Variants in RARB observed in about 807,000 individuals in gnomAD.
The protein encoded by RARB is retinoic acid receptor beta, also known as HBV-activated protein.
Under a neutral mutation model 51.9 loss-of-function variants are expected in RARB, and 17 were observed. That is an observed-to-expected ratio of 0.33 (90% CI 0.22 to 0.49). The LOEUF is 0.49. Among genes scored for constraint, RARB ranks in the 20% least tolerant of loss-of-function variants. The pLI is 0.99. For missense variants in RARB, 369 were observed against 550.8 expected, an observed-to-expected ratio of 0.67 and a Z score of 3.30; for synonymous variants, 215 against 195.4, an observed-to-expected ratio of 1.10 and a Z score of -0.84.
intron 5 of RARB, among the ~76,000 whole-genome samples, chr3:25,252,739 A>AT (rs1358646172): frequency 6.6e-6 from 1 of 152,250 alleles, no homozygotes; most frequent in Admixed American, 6.5e-5. Flanking sequence ...CTTCTAATAA[A>AT]TTTTTTTGTG....
intron 3 of RARB, among the ~76,000 whole-genome samples, chr3:25,131,646 C>A (rs530368991): frequency 2.0e-5 from 3 of 152,028 alleles, no homozygotes; most frequent in Non-Finnish European, 2.9e-5. Flanking sequence ...ATCAAAAAGT[C>A]TATGATGGAT....
rs143212635 is a variant in RARB at position 25,551,848 on chromosome 3, C to A, written c.449-17910C>A. Among the ~76,000 whole-genome samples the A allele has an allele frequency of 2.3e-3, 357 of 152,318 alleles. 2 individuals are homozygous for A. The highest frequency in any genetic ancestry group is 8.2e-3 in the African/African-American group (339 of 41,566). On this transcript the variant is annotated intron_variant, in intron 3 of 7. Transcript: ENST00000330688. ...GTGTTTCTTAGCTTTCTCAATCAAG[C>A]CTTCAATCTGTTTTCCATAAATCTG...
chr3:25,376,281 C>G (rs1018786368), intron 5 of RARB, among the ~76,000 whole-genome samples: 1 of 152,158 alleles, frequency 6.6e-6, no homozygotes, highest in Non-Finnish European at 1.5e-5. Flanking sequence ...AGAAAAGTGC[C>G]TAGTGCATAA....
chr3:25,585,344 C>T (rs1156404754), intron 5 of RARB, among the ~76,000 whole-genome samples: 1 of 152,126 alleles, frequency 6.6e-6, no homozygotes, highest in Non-Finnish European at 1.5e-5. Context: ...AAGGCAAAGA[C>T]CCATAGAGCT....
chr3:25,014,427 G>A (rs990915520), intron 2 of RARB, among the ~76,000 whole-genome samples: 3 of 152,116 alleles, frequency 2.0e-5, no homozygotes, highest in African/African-American at 7.2e-5. Flanking sequence ...TCAGGAGGAT[G>A]ATAGTCAGTG....
intron 5 of RARB, among the ~76,000 whole-genome samples, chr3:25,327,814 TTATCTGGTC>T (rs1704770201): frequency 6.6e-6 from 1 of 152,204 alleles, no homozygotes; most frequent in Non-Finnish European, 1.5e-5. Flanking sequence ...AATTGGTATA[TTATCTGGTC>T]TATTTGACTA....
chr3:25,199,404 T>C (rs1270698280), intron 5 of RARB, among the ~76,000 whole-genome samples: 1 of 152,080 alleles, frequency 6.6e-6, no homozygotes, highest in Non-Finnish European at 1.5e-5. Context: ...AACAGAGCGA[T>C]TACAGTCAAC....
chr3:25,269,190 CAAAT>C (rs555263832), intron 5 of RARB, among the ~76,000 whole-genome samples: 1 of 152,044 alleles, frequency 6.6e-6, no homozygotes, highest in Non-Finnish European at 1.5e-5. Flanking sequence ...TAATAGCAAA[CAAAT>C]AGTCATATTG....
At chr3:25,230,898 C>T (rs1282770760) in intron 5 of RARB, among the ~76,000 whole-genome samples, 9 of 152,104 alleles carry the variant, frequency 5.9e-5, no homozygotes, top group Admixed American at 5.9e-4. Context: ...CCACACAGGA[C>T]TACCATATTA....
intron 2 of RARB, among the ~76,000 whole-genome samples, chr3:24,908,178 T>C (rs1338525848): frequency 6.6e-6 from 1 of 152,230 alleles, no homozygotes; most frequent in Non-Finnish European, 1.5e-5. Flanking sequence ...GCACTGATTC[T>C]TGTTCAGATA....
chr3:25,006,442 C>T (rs1156508988), intron 2 of RARB, among the ~76,000 whole-genome samples: 4 of 152,044 alleles, frequency 2.6e-5, no homozygotes, highest in Non-Finnish European at 5.9e-5. Context: ...AAGAAAACTA[C>T]CCATCTGTAA....
chr3:25,226,935 A>G (rs565662751), intron 5 of RARB, among the ~76,000 whole-genome samples: 1 of 152,372 alleles, frequency 6.6e-6, no homozygotes, highest in Middle Eastern at 3.4e-3. Flanking sequence ...GACCAATTAT[A>G]TGATAGCCCA....
chr3:24,970,410 C>T (rs146376375), intron 2 of RARB, among the ~76,000 whole-genome samples: 1 of 152,064 alleles, frequency 6.6e-6, no homozygotes, highest in African/African-American at 2.4e-5. Flanking sequence ...ACAATTCTGT[C>T]TTCTTTATAA....
At chr3:25,562,401 G>C (rs1700309611) in intron 3 of RARB, among the ~76,000 whole-genome samples, 1 of 152,042 alleles carries the variant, frequency 6.6e-6, no homozygotes, top group Non-Finnish European at 1.5e-5. Context: ...CTTCATCTCA[G>C]CTCTTATTCA....
chr3:25,226,938 A>G (rs1663206883), intron 5 of RARB, among the ~76,000 whole-genome samples: 1 of 152,240 alleles, frequency 6.6e-6, no homozygotes, highest in Non-Finnish European at 1.5e-5. Flanking sequence ...CAATTATATG[A>G]TAGCCCACAA....
Position 25,304,410 on chromosome 3 carries a change from C to G in RARB, c.178+129835C>G, listed in dbSNP as rs1409600148. Among the ~76,000 whole-genome samples the G allele has an allele frequency of 3.3e-5, 5 of 152,170 alleles. 1 individual carries two copies. Among genetic ancestry groups the G allele is most frequent in the Admixed American group, 3.3e-4 (5 of 15,278 alleles). The stretch of plus-strand genomic sequence containing the variant: ...CTTCCCACCTCTATGACATGTCTGC[C>G]GTAACTGCTATGCCTAGTATTGCCC... On this transcript the variant is annotated intron_variant, in intron 5 of 11. Transcript: ENST00000383772.
chr3:25,497,222 G>A (rs1034129952), intron 2 of RARB, among the ~76,000 whole-genome samples: 1 of 152,130 alleles, frequency 6.6e-6, no homozygotes, highest in Non-Finnish European at 1.5e-5. Context: ...ACAATCTCTT[G>A]GGATAGTATT....
chr3:25,367,010 T>G (rs900094831), intron 5 of RARB, among the ~76,000 whole-genome samples: 2 of 152,142 alleles, frequency 1.3e-5, no homozygotes, highest in African/African-American at 4.8e-5. Context: ...AGGATGACCC[T>G]TAAACAGGCA....
intron 5 of RARB, among the ~76,000 whole-genome samples, chr3:25,217,645 C>T (rs1482732211): frequency 6.6e-6 from 1 of 152,116 alleles, no homozygotes; most frequent in Admixed American, 6.6e-5. Flanking sequence ...TTTTGTCTCC[C>T]CCTGAACCTT....
Sources: allele counts gnomAD v4.1 joint callset (sites outside exome capture counted in the v4.1 genomes callset), GRCh38; gene constraint gnomAD v4.1.1; transcripts MANE v1.5; gene names NCBI Gene and HGNC (gene_info 2026-07-23, HGNC 2026-07-21).